ACER3: variants seen among roughly 807,000 people sequenced by gnomAD.
The protein encoded by ACER3 is alkCDase 3.
A neutral mutation model predicts 48.9 loss-of-function variants in ACER3; 16 were observed. The observed-to-expected ratio is 0.33, with a 90% CI of 0.22 to 0.50. The LOEUF is 0.50. ACER3 is among the 20% of genes least tolerant of loss of function. ACER3 has a pLI of 0.98. For missense variants in ACER3, 227 were observed against 326.0 expected (o/e 0.70, Z 2.34); for synonymous variants, 109 against 107.8 (o/e 1.01, Z -0.07).
intron 6 of ACER3, among the ~76,000 whole-genome samples, chr11:76,995,988 C>G (rs935580891): frequency 6.6e-5 from 10 of 152,158 alleles, no homozygotes; most frequent in Admixed American, 6.5e-5. Flanking sequence ...AGATATCTCA[C>G]TGGCACATCA....
intron 7 of ACER3, among the ~76,000 whole-genome samples, chr11:77,012,532 T>C (rs1555022400): frequency 6.6e-6 from 1 of 152,054 alleles, no homozygotes; most frequent in Non-Finnish European, 1.5e-5. Context: ...AGTGAACTAT[T>C]AGTAAGATTT....
chr11:76,949,661 C>T (rs888030304), intron 2 of ACER3, among the ~76,000 whole-genome samples: 1 of 152,148 alleles, frequency 6.6e-6, no homozygotes, highest in African/African-American at 2.4e-5. Flanking sequence ...CTTCTCCACT[C>T]TTTATTTTCC....
chr11:76,889,448 C>T (rs1449908108), intron 1 of ACER3, among the ~76,000 whole-genome samples: 3 of 151,928 alleles, frequency 2.0e-5, no homozygotes, highest in Non-Finnish European at 4.4e-5. Flanking sequence ...TTCTTTTAGC[C>T]AAGGGTTTAT....
chr11:76,930,711 T>G (rs1946975409), intron 2 of ACER3, among the ~76,000 whole-genome samples: 1 of 152,108 alleles, frequency 6.6e-6, no homozygotes, highest in Non-Finnish European at 1.5e-5. Flanking sequence ...TCTGCCTTCA[T>G]TTCGTTATGT....
Position 76,938,970 on chromosome 11 carries a change from T to TAAAAAAAAAAAA in ACER3, c.214+12311_214+12312insAAAAAAAAAAAA, listed in dbSNP as rs57652669. 2.8e-5 allele frequency among the ~76,000 whole-genome samples: 4 copies of TAAAAAAAAAAAA among 143,350 alleles called. 1 individual carries two copies. The highest frequency in any genetic ancestry group is 4.1e-4 in the East Asian group (2 of 4,912). The allele number at this position is 143,350 out of a possible 152,430, so 94.0% of individuals were successfully genotyped here. On this transcript the variant is annotated intron_variant, in intron 2 of 10. Transcript: ENST00000532485. ...ATCTTGTCAGAAAGTAAGAAAGTGC[T>TAAAAAAAAAAAA]AAAAAAAATGAAGGAATCATGTCAA...
intron 2 of ACER3, among the ~76,000 whole-genome samples, chr11:76,946,078 C>G (rs934033382): frequency 6.6e-6 from 1 of 152,136 alleles, no homozygotes; most frequent in East Asian, 1.9e-4. Context: ...CTCTCAGGTG[C>G]GTAGCATGGG....
chr11:76,868,087 T>C, intron 1 of ACER3: 2 of 1,288,764 alleles, frequency 1.6e-6, no homozygotes, highest in Non-Finnish European at 1.0e-6. Context: ...CTTGTAGCCC[T>C]TTGCTATATT....
Position 77,025,756 on chromosome 11 carries a change from CTG to C in ACER3, c.*5431_*5432del, listed in dbSNP as rs1225716999. 2 of 152,166 alleles carry C rather than the reference CTG, an allele frequency of 1.3e-5. No individual in the cohort carries two copies. The highest frequency in any genetic ancestry group is 2.9e-5 in the Non-Finnish European group (2 of 68,060). The allele number at this position is 152,166 out of a possible 1,614,324, so 9.4% of individuals were successfully genotyped here. A position where few individuals can be genotyped will look rare whatever the true frequency, so the allele number is the denominator to read the frequency against. On this transcript the variant is annotated 3_prime_UTR_variant, in exon 11 of 11. Coordinates refer to ENST00000532485, the MANE Select transcript of ACER3 (RefSeq NM_018367.7). The stretch of plus-strand genomic sequence containing the variant: ...GAGAAAGAAGAATATGCAACAGAAA[CTG>C]TATGTAGCCTGCAAAGCCTAAAATG...
chr11:76,954,221 A>G (rs1053457220), intron 2 of ACER3, among the ~76,000 whole-genome samples: 5 of 152,208 alleles, frequency 3.3e-5, no homozygotes, highest in Non-Finnish European at 7.3e-5. Flanking sequence ...TGCTGGGATT[A>G]TAGGTGTGAG....
intron 2 of ACER3, among the ~76,000 whole-genome samples, chr11:76,951,173 T>A (rs72639139): frequency 1.3e-5 from 2 of 152,150 alleles, no homozygotes; most frequent in African/African-American, 4.8e-5. Context: ...AGCCTTAAGT[T>A]ACAACTTATT....
chr11:76,942,336 G>A (rs1374303256), intron 2 of ACER3, among the ~76,000 whole-genome samples: 1 of 151,894 alleles, frequency 6.6e-6, no homozygotes, highest in Non-Finnish European at 1.5e-5. Flanking sequence ...GTTGATATAT[G>A]TTCCTTCTAT....
intron 1 of ACER3, among the ~76,000 whole-genome samples, chr11:76,921,859 G>A (rs1201557473): frequency 6.6e-6 from 1 of 152,098 alleles, no homozygotes; most frequent in Non-Finnish European, 1.5e-5. Context: ...GAATCCTTCA[G>A]ATATTTGAAG....
intron 2 of ACER3, among the ~76,000 whole-genome samples, chr11:76,930,234 T>C (rs1249928911): frequency 6.6e-6 from 1 of 152,240 alleles, no homozygotes; most frequent in Non-Finnish European, 1.5e-5. Context: ...TTCTTCTAGA[T>C]TTTCTAGTTT....
intron 3 of ACER3, among the ~76,000 whole-genome samples, chr11:76,959,684 C>T (rs1016795724): frequency 1.3e-5 from 2 of 152,060 alleles, no homozygotes; most frequent in Admixed American, 6.6e-5. Context: ...TCCCAAGTAG[C>T]TAGGACTACA....
intron 7 of ACER3, among the ~76,000 whole-genome samples, chr11:77,004,352 C>T (rs1028184302): frequency 2.0e-5 from 3 of 152,230 alleles, no homozygotes; most frequent in Admixed American, 2.0e-4. Context: ...GAAGTTATCT[C>T]CCAGGAGCCA....
chr11:77,026,659 G>C lies in ACER3; in HGVS notation c.*6332G>C, dbSNP rs1442806584. ...CTTATTCACTTTTTCCATTTGATTTGCTAATGCCACAATCATTTTTCTAGA... is the reference window on the plus strand; with the variant it reads ...CTTATTCACTTTTTCCATTTGATTTCCTAATGCCACAATCATTTTTCTAGA... On this transcript the variant is annotated 3_prime_UTR_variant, in exon 11 of 11. Coordinates refer to ENST00000532485, the MANE Select transcript of ACER3 (RefSeq NM_018367.7). 1.3e-5 allele frequency: 2 copies of C among 151,984 alleles called. No individual in the cohort carries two copies. Among genetic ancestry groups the C allele is most frequent in the Non-Finnish European group, 2.9e-5 (2 of 68,016 alleles). The allele number at this position is 151,984 out of a possible 1,614,324, so 9.4% of individuals were successfully genotyped here.
intron 2 of ACER3, among the ~76,000 whole-genome samples, chr11:76,945,813 G>T (rs1947458025): frequency 6.6e-6 from 1 of 152,212 alleles, no homozygotes. Flanking sequence ...AATCCACTGG[G>T]AGCCACGTGG....
At chr11:76,906,804 CCCCACCTTGGCCT>C (rs1156970215) in intron 1 of ACER3, among the ~76,000 whole-genome samples, 1 of 152,072 alleles carries the variant, frequency 6.6e-6, no homozygotes, top group African/African-American at 2.4e-5. Context: ...CAAGCAGTCC[CCCCACCTTGGCCT>C]CCCAAAGTGT....
chr11:76,884,036 T>G (rs999828561), intron 1 of ACER3, among the ~76,000 whole-genome samples: 1 of 152,220 alleles, frequency 6.6e-6, no homozygotes, highest in Non-Finnish European at 1.5e-5. Context: ...CTGTTCTCTC[T>G]AGTCACAATG....
Sources: allele counts gnomAD v4.1 joint callset (sites outside exome capture counted in the v4.1 genomes callset), GRCh38; gene constraint gnomAD v4.1.1; transcripts MANE v1.5; gene names NCBI Gene and HGNC (gene_info 2026-07-23, HGNC 2026-07-21).